The following RUNX1T1 variants were observed in gnomAD, a reference collection of about 807,000 sequenced individuals.
The protein encoded by RUNX1T1 is protein CBFA2T1.
RUNX1T1 carries 4 observed loss-of-function variants against 62.8 expected under a neutral mutation model. The ratio of observed to expected loss-of-function variants is 0.06; its 90% CI spans 0.03 to 0.15. The LOEUF (loss-of-function observed/expected upper bound fraction) is 0.15, where lower values mean the gene tolerates loss of function less well. RUNX1T1 is among the 10% of genes least tolerant of loss of function. The pLI is 1.00. For missense variants in RUNX1T1, 508 were observed against 754.3 expected (o/e 0.67, Z 3.82); for synonymous variants, 291 against 286.0 (o/e 1.02, Z -0.18).
intron 1 of RUNX1T1, among the ~76,000 whole-genome samples, chr8:92,083,748 G>T (rs555379302): frequency 6.6e-6 from 1 of 152,140 alleles, no homozygotes; most frequent in East Asian, 1.9e-4. Flanking sequence ...CCCATTGCTG[G>T]GTATATACCC....
chr8:91,971,157 A>G (rs774083179), intron 9 of RUNX1T1: 3 of 265,032 alleles, frequency 1.1e-5, no homozygotes, highest in Non-Finnish European at 2.1e-5. Context: ...TTAGGAAAAC[A>G]AAGGGTGAAA....
At chr8:91,993,213 T>C (rs1233125565) in intron 5 of RUNX1T1, among the ~76,000 whole-genome samples, 1 of 151,258 alleles carries the variant, frequency 6.6e-6, no homozygotes, top group East Asian at 1.9e-4. Context: ...ATCCAGTCTT[T>C]GTCTGCTAAC....
intron 1 of RUNX1T1, among the ~76,000 whole-genome samples, chr8:92,099,112 CATAA>C (rs1438322296): frequency 1.3e-5 from 2 of 152,098 alleles, no homozygotes; most frequent in Non-Finnish European, 2.9e-5. Flanking sequence ...TGTTATTTTG[CATAA>C]ATAGAGTCAA....
intron 4 of RUNX1T1, chr8:92,006,644 C>T (rs1406750299): frequency 6.6e-6 from 1 of 151,002 alleles, no homozygotes; most frequent in Non-Finnish European, 1.5e-5. Context: ...TATCATTTTC[C>T]TTTACTCTGA....
intron 4 of RUNX1T1, chr8:92,006,674 T>A (rs1820842297): frequency 6.8e-6 from 1 of 146,244 alleles, no homozygotes; most frequent in South Asian, 2.2e-4. Context: ...TTTAACTTTT[T>A]TTTTTTTTTT....
chr8:92,102,706 G>T, upstream of RUNX1T1: 1 of 745,462 alleles, frequency 1.3e-6, no homozygotes, highest in Non-Finnish European at 2.0e-6. This position sits in a 1 kb window ranked among gnomAD's most constrained non-coding sequence, Gnocchi z 4.5. Context: ...CTGGTGCGTA[G>T]TCCTACCCTA....
intron 4 of RUNX1T1, chr8:92,010,323 G>A (rs1004783158): frequency 6.6e-6 from 1 of 152,192 alleles, no homozygotes; most frequent in Non-Finnish European, 1.5e-5. Flanking sequence ...AAGTAAAAGG[G>A]ATCTTAGTAA....
At chr8:92,014,474 A>T in intron 3 of RUNX1T1, 105 bp downstream of exon 4, 1 of 1,056,094 alleles carries the variant, frequency 9.5e-7, no homozygotes, top group Non-Finnish European at 1.4e-6. Context: ...CAGATGTAGA[A>T]ACTATTATAA....
intron 5 of RUNX1T1, among the ~76,000 whole-genome samples, chr8:92,003,903 CA>C (rs1644363726): frequency 6.6e-6 from 1 of 152,136 alleles, no homozygotes; most frequent in South Asian, 2.1e-4. Flanking sequence ...TACAATACGT[CA>C]AAAGGGGACT....
At chr8:92,039,957 C>T (rs1828142646) in intron 1 of RUNX1T1, among the ~76,000 whole-genome samples, 1 of 152,170 alleles carries the variant, frequency 6.6e-6, no homozygotes, top group African/African-American at 2.4e-5. Flanking sequence ...CTACCCTTCC[C>T]TTCACTCCTA....
chr8:92,012,833 G>A (rs1356200781), intron 3 of RUNX1T1, among the ~76,000 whole-genome samples: 2 of 136,466 alleles, frequency 1.5e-5, no homozygotes, highest in East Asian at 3.9e-4. Context: ...TTTAACAGAA[G>A]TCTGCTACTC....
At chr8:91,995,527 C>A (rs1455329091) in intron 5 of RUNX1T1, among the ~76,000 whole-genome samples, 2 of 152,134 alleles carry the variant, frequency 1.3e-5, no homozygotes, top group Non-Finnish European at 2.9e-5. Context: ...GTGACTAATA[C>A]CTGTAGTCCT....
chr8:92,075,869 A>G (rs1834345548), intron 2 of RUNX1T1, 96 bp downstream of exon 2: 1 of 1,189,206 alleles, frequency 8.4e-7, no homozygotes, highest in African/African-American at 1.6e-5. Flanking sequence ...GGAAGAAAAA[A>G]GAAAATCTTT....
chr8:92,035,134 A>C (rs1827168614), intron 1 of RUNX1T1, among the ~76,000 whole-genome samples: 1 of 151,908 alleles, frequency 6.6e-6, no homozygotes, highest in African/African-American at 2.4e-5. Context: ...GTCTCTACTA[A>C]AAGTATAAAA....
intron 10 of RUNX1T1, among the ~76,000 whole-genome samples, chr8:91,962,471 T>C (rs1206395575): frequency 6.6e-6 from 1 of 152,236 alleles, no homozygotes; most frequent in Non-Finnish European, 1.5e-5. Context: ...TTTTCCTACT[T>C]CAATTAATTT....
intron 1 of RUNX1T1, among the ~76,000 whole-genome samples, chr8:92,052,742 C>T (rs1055592914): frequency 6.6e-6 from 1 of 152,156 alleles, no homozygotes; most frequent in African/African-American, 2.4e-5. Context: ...TGGGAGGGGG[C>T]AGAGAATTTG....
chr8:91,960,374 T>C (rs766280295), exon 11 of RUNX1T1: 4 of 1,614,088 alleles, frequency 2.5e-6, no homozygotes, highest in African/African-American at 1.3e-5. Context: ...CAGGTGTGTC[T>C]CCCTGCTGCT....
intron 1 of RUNX1T1, among the ~76,000 whole-genome samples, chr8:92,031,290 G>T (rs185854692): frequency 6.6e-6 from 1 of 152,170 alleles, no homozygotes; most frequent in East Asian, 1.9e-4. Flanking sequence ...ACATAGTCGG[G>T]TGTCCATTCA....
At position 92,034,733 on chromosome 8, in the gene RUNX1T1, TACATATATATAC is replaced by T. The variant is rs529937716; in HGVS notation, c.8-17382_8-17371del. ...ATATACACATATATATACACACGTA[TACATATATATAC>T]ACATATATATACACACATATACATA... On this transcript the variant is annotated intron_variant, in intron 1 of 10. Transcript: ENST00000396218. 2.4e-4 allele frequency among the ~76,000 whole-genome samples: 36 copies of T among 150,724 alleles called. No individual in the cohort carries two copies. The South Asian group carries it at 6.3e-3, about 26-fold the overall frequency.
Sources: allele counts gnomAD v4.1 joint callset (sites outside exome capture counted in the v4.1 genomes callset), GRCh38; gene constraint gnomAD v4.1.1; non-coding constraint Gnocchi (gnomAD v3.1); transcripts MANE v1.5; gene names NCBI Gene and HGNC (gene_info 2026-07-23, HGNC 2026-07-21).